PAK4: variants seen among roughly 807,000 people sequenced by gnomAD.
The protein encoded by PAK4 is serine/threonine-protein kinase PAK 4.
Under a neutral mutation model 53.5 loss-of-function variants are expected in PAK4, and 49 were observed. The observed-to-expected ratio is 0.92, with a 90% CI of 0.73 to 1.16. The LOEUF (loss-of-function observed/expected upper bound fraction) is 1.16, where lower values mean the gene tolerates loss of function less well. PAK4 is among the 50% of genes most tolerant of loss of function. The pLI, the probability that PAK4 is intolerant of heterozygous loss-of-function variation, is 0.00. For missense variants in PAK4, 824 were observed against 850.7 expected (o/e 0.97, Z 0.39); for synonymous variants, 376 against 375.6 (o/e 1.00, Z -0.01).
At position 39,173,941 on chromosome 19, in the gene PAK4, G is replaced by C; in HGVS notation, c.1029G>C (p.Ser343=). The C allele has an allele frequency of 9.9e-6, 16 of 1,611,082 alleles. No homozygotes were observed. Among genetic ancestry groups the C allele is most frequent in the Non-Finnish European group, 1.4e-5 (16 of 1,179,384 alleles). ...TGTGCATCGCCACCGTGCGCAGCTC[G>C]GGCAAGCTGGTGGCCGTCAAGAAGA... Residue 343 remains serine, a synonymous_variant, in exon 4 of 9, where the codon TCG becomes TCC. Coordinates refer to ENST00000358301, the Ensembl canonical transcript of PAK4. The surrounding 1 kb of genome is among the most constrained non-coding windows in gnomAD (Gnocchi z 6.9).
At chr19:39,152,751 G>A (rs375059804) in intron 1 of PAK4, among the ~76,000 whole-genome samples, 8 of 146,598 alleles carry the variant, frequency 5.5e-5, no homozygotes, top group Admixed American at 1.4e-4. Flanking sequence ...GATGGCAATC[G>A]GGTTCAATGT....
chr19:39,177,599 C>G, intron 7 of PAK4, 76 bp from the exon 9 acceptor site: 1 of 1,479,376 alleles, frequency 6.8e-7, no homozygotes, highest in Non-Finnish European at 9.1e-7. Context: ...AGCGCTGGAG[C>G]GGTCCCTGCC....
intron 1 of PAK4, among the ~76,000 whole-genome samples, chr19:39,132,208 A>G (rs987354030): frequency 3.9e-5 from 6 of 152,068 alleles, no homozygotes; most frequent in Admixed American, 1.3e-4. Context: ...CCGTGTTTCA[A>G]TTTTCAGAAA....
intron 1 of PAK4, among the ~76,000 whole-genome samples, chr19:39,163,178 G>A (rs11882668): frequency 6.6e-6 from 1 of 152,180 alleles, no homozygotes; most frequent in South Asian, 2.1e-4. Context: ...GAAGATTGTG[G>A]CAGGGTGGTG....
chr19:39,147,484 T>C (rs1298489230), intron 1 of PAK4, among the ~76,000 whole-genome samples: 1 of 152,212 alleles, frequency 6.6e-6, no homozygotes, highest in Non-Finnish European at 1.5e-5. Flanking sequence ...TTCGTGTGAA[T>C]GTCAGTTTTT....
rs761821639 is a variant in PAK4, at chr19:39,175,427, C to T, written c.1348C>T (p.His450Tyr). The change falls in exon 6 of 9, where the codon CAT becomes TAT. Residue 450 changes from histidine to tyrosine, a missense_variant. Coordinates refer to ENST00000358301, the Ensembl canonical transcript of PAK4. This position sits in a 1 kb window ranked among gnomAD's most constrained non-coding sequence, Gnocchi z 4.7. ...CAAGAGCGACTCGATCCTGCTGACC[C>T]ATGATGGCAGGGTGAGGGGACGGGC... 1.2e-6 allele frequency: 2 copies of T among 1,611,312 alleles called. No individual in the cohort carries two copies. Among genetic ancestry groups the T allele is most frequent in the South Asian group, 2.2e-5 (2 of 90,610 alleles).
At position 39,129,150 on chromosome 19, in the gene PAK4, C is replaced by G. The variant is rs544051533; in HGVS notation, c.-23+3231C>G. ...CTCTTAACTCCTGGGCTCAAGCTAT[C>G]CTCCCACCTCAGCCTCTGGAGTAGC... On this transcript the variant is annotated intron_variant, in intron 1 of 8. Transcript: ENST00000358301. Among the ~76,000 whole-genome samples, 8 of 152,210 alleles carry G rather than the reference C, an allele frequency of 5.3e-5. No individual in the cohort carries two copies. In the East Asian group the frequency reaches 1.3e-3, roughly 26 times the overall value.
At position 39,175,511 on chromosome 19, in the gene PAK4, C is replaced by T. The variant is rs1056425873; in HGVS notation, c.1359+73C>T. On this transcript the variant is annotated intron_variant, in intron 6 of 8. Coordinates refer to ENST00000358301, the Ensembl canonical transcript of PAK4. The surrounding 1 kb of genome is among the most constrained non-coding windows in gnomAD (Gnocchi z 4.7). ...GGGGCTTCCCTGCCTCTTCCCATCC[C>T]CTGTGAGGGTAGGTGAGCTCTGACC... 4 of 1,468,028 alleles carry T rather than the reference C, an allele frequency of 2.7e-6. No individual in the cohort carries two copies. In the Admixed American group the frequency reaches 6.0e-5, roughly 22 times the overall value. The allele number at this position is 1,468,028 out of a possible 1,614,324, so 90.9% of individuals were successfully genotyped here. A position where few individuals can be genotyped will look rare whatever the true frequency, so the allele number is the denominator to read the frequency against.
chr19:39,176,536 T>TC (rs2074608313), intron 6 of PAK4, 54 bp from the exon 8 acceptor site: 2 of 1,611,030 alleles, frequency 1.2e-6, no homozygotes, highest in Non-Finnish European at 1.7e-6. Flanking sequence ...ACGCCCCTGC[T>TC]CGCCCTCCTG....
intron 1 of PAK4, among the ~76,000 whole-genome samples, chr19:39,151,783 A>T (rs1166310902): frequency 5.3e-5 from 8 of 152,268 alleles, no homozygotes; most frequent in Admixed American, 2.6e-4. Flanking sequence ...TTATTTATTT[A>T]TTTTTTTGAG....
chr19:39,176,428 C>G, intron 6 of PAK4, 162 bp from the exon 8 acceptor site: 1 of 869,500 alleles, frequency 1.2e-6, no homozygotes, highest in South Asian at 1.6e-5. Flanking sequence ...GGTGGAGCTC[C>G]CCATTGGTCT....
chr19:39,126,332 AG>A (rs1342051916), intron 1 of PAK4, among the ~76,000 whole-genome samples: 1 of 150,660 alleles, frequency 6.6e-6, no homozygotes, highest in Non-Finnish European at 1.5e-5. Flanking sequence ...GGCGTCTTTT[AG>A]GGGTTCAAAG....
chr19:39,154,170 C>T (rs934672714), intron 1 of PAK4, among the ~76,000 whole-genome samples: 6 of 152,118 alleles, frequency 3.9e-5, no homozygotes, highest in Non-Finnish European at 7.3e-5. Flanking sequence ...TCTCTTCTCG[C>T]GTGTGCTCCC....
At chr19:39,133,965 G>A (rs2073762994) in intron 1 of PAK4, among the ~76,000 whole-genome samples, 1 of 152,014 alleles carries the variant, frequency 6.6e-6, no homozygotes, top group East Asian at 1.9e-4. Context: ...AGGACCCTGC[G>A]GGCCACTGGC....
At chr19:39,165,031 C>T (rs994894845) in intron 1 of PAK4, among the ~76,000 whole-genome samples, 1 of 151,720 alleles carries the variant, frequency 6.6e-6, no homozygotes, top group African/African-American at 2.4e-5. Context: ...TGTGCTTCCT[C>T]CCACTACCCG....
chr19:39,171,208 GTTTTTTTTTTT>G lies in PAK4; in HGVS notation c.204+1460_204+1470del, dbSNP rs34497285. On this transcript the variant is annotated intron_variant, in intron 2 of 8. Coordinates refer to ENST00000358301, the Ensembl canonical transcript of PAK4. ...CCAGGACCTTCTCGACTCCCTGTTG[GTTTTTTTTTTT>G]TTTTTTTTGAGAGACATTCCTGCTC... is the stretch of plus-strand genomic sequence containing the variant. Among the ~76,000 whole-genome samples, 3 of 135,464 alleles carry G rather than the reference GTTTTTTTTTTT, an allele frequency of 2.2e-5. No individual in the cohort carries two copies. The Admixed American group carries it at 2.2e-4, about 10-fold the overall frequency. The allele number at this position is 135,464 out of a possible 152,430, so 88.9% of individuals were successfully genotyped here.
At chr19:39,135,698 A>G (rs1459033329) in intron 1 of PAK4, among the ~76,000 whole-genome samples, 1 of 151,764 alleles carries the variant, frequency 6.6e-6, no homozygotes, top group Non-Finnish European at 1.5e-5. Flanking sequence ...AACCCAAACA[A>G]CAGGCAGCCC....
intron 2 of PAK4, 88 bp from the exon 4 acceptor site, chr19:39,172,830 C>A (rs1171004471): frequency 2.8e-6 from 3 of 1,087,208 alleles, no homozygotes; most frequent in Non-Finnish European, 4.0e-6. Flanking sequence ...CTGTGTGTGT[C>A]GTGCTGTCCT....
intron 1 of PAK4, among the ~76,000 whole-genome samples, chr19:39,131,320 C>T (rs1266664120): frequency 1.3e-5 from 2 of 152,128 alleles, no homozygotes; most frequent in South Asian, 2.1e-4. Context: ...AGTTTCTGGG[C>T]GCTGGGTCCC....
Sources: allele counts gnomAD v4.1 joint callset (sites outside exome capture counted in the v4.1 genomes callset), GRCh38; gene constraint gnomAD v4.1.1; non-coding constraint Gnocchi (gnomAD v3.1); transcripts MANE v1.5; gene names NCBI Gene and HGNC (gene_info 2026-07-23, HGNC 2026-07-21).